Variants in KNDC1 observed in about 807,000 individuals in gnomAD.
KNDC1 encodes the protein kinase non-catalytic C-lobe domain containing 1, also known as kinase non-catalytic C-lobe domain-containing protein 1.
Under a neutral mutation model 172.8 loss-of-function variants are expected in KNDC1, and 106 were observed. The observed-to-expected ratio is 0.61, with a 90% confidence interval of 0.52 to 0.72. The LOEUF (loss-of-function observed/expected upper bound fraction) is 0.72. Ranked by LOEUF, KNDC1 falls within the 30% of genes least tolerant of loss-of-function variation. The probability of loss-of-function intolerance (pLI) is 0.00; values close to 1 mark genes in which losing one functional copy is unlikely to be tolerated. For missense variants in KNDC1, 2,325 were observed against 2,394.5 expected (o/e 0.97, Z 0.61); for synonymous variants, 1,083 against 1,062.2 (o/e 1.02, Z -0.38).
At chr10:133,189,575 C>T (rs755900329) in intron 7 of KNDC1, 23 bp from the exon 8 acceptor site, 1 of 1,610,976 alleles carries the variant, frequency 6.2e-7, no homozygotes, top group South Asian at 1.1e-5. Context: ...TGCATACCCG[C>T]CCTGACCCAA....
chr10:133,194,265 A>G (rs1454572744), intron 9 of KNDC1, among the ~76,000 whole-genome samples: 1 of 152,248 alleles, frequency 6.6e-6, no homozygotes, highest in Non-Finnish European at 1.5e-5. Context: ...GAAATTTTCC[A>G]AACACTTGGA....
chr10:133,172,468 CGCTT>C (rs746307913), intron 3 of KNDC1, among the ~76,000 whole-genome samples: 2 of 152,186 alleles, frequency 1.3e-5, no homozygotes, highest in Non-Finnish European at 2.9e-5. Flanking sequence ...GATTTACTAA[CGCTT>C]GCTTCAGATT....
intron 1 of KNDC1, 51 bp from the exon 2 acceptor site, chr10:133,167,330 G>A: frequency 6.6e-7 from 1 of 1,504,338 alleles, no homozygotes; most frequent in African/African-American, 1.4e-5. Flanking sequence ...GGGGGTGCCG[G>A]GGCCTGGCTG....
chr10:133,216,505 C>T (rs898976943), intron 26 of KNDC1, among the ~76,000 whole-genome samples: 3 of 151,882 alleles, frequency 2.0e-5, no homozygotes, highest in African/African-American at 4.8e-5. Flanking sequence ...ATCGAAACCC[C>T]GTCTCTACTG....
Position 133,168,277 on chromosome 10 carries a change from C to A in KNDC1, c.325C>A (p.Pro109Thr). The A allele has an allele frequency of 1.2e-6, 2 of 1,613,876 alleles. No homozygotes were observed. Among genetic ancestry groups the A allele is most frequent in the Non-Finnish European group, 1.7e-6 (2 of 1,179,806 alleles). The change falls in exon 3 of 30, where the codon CCC becomes ACC. Residue 109 changes from proline (P) to threonine (T), a missense_variant. By Grantham distance (38) the Pro-to-Thr change is conservative. Coordinates refer to ENST00000304613, the MANE Select transcript of KNDC1 (RefSeq NM_152643.8). ...AGACGACCCTGAGGGTGCCTTCGTT[C>A]CCCCCGAGTTCGACGTGACCGGGAA... ...LSDDPEGAFV[P>T]PEFDVTGNTF...
chr10:133,203,531 G>C (rs948676593), intron 17 of KNDC1, among the ~76,000 whole-genome samples: 3 of 152,262 alleles, frequency 2.0e-5, no homozygotes, highest in African/African-American at 7.2e-5. Context: ...GGGGCGGCTG[G>C]AGCAGCCGGT....
Position 133,199,209 on chromosome 10 carries a change from C to A in KNDC1, c.2701C>A (p.Gln901Lys). Reference sequence around the variant, plus strand: ...GCTGCAGGAGGCCACGCGCCTCATCCAGGAGGAATTTGCCTTCGATGGCTA... The same window carrying A: ...GCTGCAGGAGGCCACGCGCCTCATCAAGGAGGAATTTGCCTTCGATGGCTA... ...PSLQEATRLI[Q>K]EEFAFDGYLD... Residue 901 changes from glutamine (Q) to lysine (K), a missense_variant, in exon 14 of 30, where the codon CAG (glutamine) becomes AAG (lysine). Coordinates refer to ENST00000304613, the MANE Select transcript of KNDC1 (RefSeq NM_152643.8). 6.3e-7 allele frequency: 1 copy of A among 1,580,082 alleles called. No homozygotes were observed. The highest frequency in any genetic ancestry group is 2.3e-5 in the East Asian group (1 of 43,150).
intron 21 of KNDC1, 25 bp downstream of exon 21, chr10:133,210,749 C>A: frequency 6.4e-7 from 1 of 1,557,260 alleles, no homozygotes; most frequent in Non-Finnish European, 8.9e-7. Flanking sequence ...AGCTCCACGC[C>A]CGCCAGAGCT....
Position 133,216,918 on chromosome 10 carries a change from G to A in KNDC1, c.4678-1913G>A, listed in dbSNP as rs111362776. On this transcript the variant is annotated intron_variant, in intron 26 of 29. Transcript: ENST00000304613. Reference sequence around the variant, plus strand: ...TCGAGGGACTCAGGCTCAGGGAAACGAGCCAGTCGCGAAGCACGGACAGTG... The same window carrying A: ...TCGAGGGACTCAGGCTCAGGGAAACAAGCCAGTCGCGAAGCACGGACAGTG... 6.6e-5 allele frequency among the ~76,000 whole-genome samples: 10 copies of A among 152,376 alleles called. 1 individual carries two copies. Among genetic ancestry groups the A allele is most frequent in the African/African-American group, 1.7e-4 (7 of 41,596 alleles).
chr10:133,186,192 G>A lies in KNDC1; in HGVS notation c.844G>A (p.Val282Ile), dbSNP rs759847394. 161 of 1,572,798 alleles carry A rather than the reference G, an allele frequency of 1.0e-4. No individual in the cohort carries two copies. Among genetic ancestry groups the A allele is most frequent in the Non-Finnish European group, 1.3e-4 (148 of 1,159,678 alleles). Residue 282 changes from valine (V) to isoleucine (I), a missense_variant, in exon 6 of 30, where the codon GTC (valine) becomes ATC (isoleucine). By Grantham distance (29) the Val-to-Ile change is conservative. Transcript: ENST00000304613. Reference sequence around the variant, plus strand: ...CAGCCGGGAGGGGCTGGCCGGCCTCGTCCTGGATGCCGAGCGCACCCTCGG... The same window carrying A: ...CAGCCGGGAGGGGCTGGCCGGCCTCATCCTGGATGCCGAGCGCACCCTCGG... ...SHSREGLAGLVLDAERTLGEL... is the reference protein window; with the variant it reads ...SHSREGLAGLILDAERTLGEL...
chr10:133,219,983 T>C lies in KNDC1; in HGVS notation c.4889T>C (p.Leu1630Pro). 1 of 1,553,064 alleles carries C rather than the reference T, an allele frequency of 6.4e-7. No individual in the cohort carries two copies. The highest frequency in any genetic ancestry group is 8.7e-7 in the Non-Finnish European group (1 of 1,148,014). Residue 1630 changes from leucine (L) to proline (P), a missense_variant, in exon 29 of 30, where the codon CTG (leucine) becomes CCG (proline). Coordinates refer to ENST00000304613, the MANE Select transcript of KNDC1 (RefSeq NM_152643.8). ...TTCCTGAAGAGCGACAGCCTGTGTCTGATGGAAGGGCGGCGCTTCCGGGCG... is the reference window on the plus strand; with the variant it reads ...TTCCTGAAGAGCGACAGCCTGTGTCCGATGGAAGGGCGGCGCTTCCGGGCG... ...EVFLKSDSLCLMEGRRFRAQP... is the reference protein window; with the variant it reads ...EVFLKSDSLCPMEGRRFRAQP...
intron 17 of KNDC1, 62 bp from the exon 18 acceptor site, chr10:133,206,623 C>G: frequency 7.1e-7 from 1 of 1,400,930 alleles, no homozygotes; most frequent in Non-Finnish European, 1.0e-6. Flanking sequence ...GGGGCCTGGC[C>G]CTGGATGTGG....
At position 133,200,408 on chromosome 10, in the gene KNDC1, C is replaced by T. The variant is rs756165641; in HGVS notation, c.2937C>T (p.Gly979=). 1.4e-5 allele frequency: 23 copies of T among 1,597,654 alleles called. No individual in the cohort carries two copies. Among genetic ancestry groups the T allele is most frequent in the Non-Finnish European group, 1.6e-5 (19 of 1,173,026 alleles). Residue 979 remains glycine (G), a synonymous_variant, in exon 16 of 30, where the codon GGC becomes GGT. Coordinates refer to ENST00000304613, the MANE Select transcript of KNDC1 (RefSeq NM_152643.8). ...TAEEAGSQLE[G]SQSPRSPSSK... Reference sequence around the variant, plus strand: ...AGGAGGCTGGGTCACAGCTCGAGGGCAGCCAAAGCCCCCGCTCCCCGTCCA... The same window carrying T: ...AGGAGGCTGGGTCACAGCTCGAGGGTAGCCAAAGCCCCCGCTCCCCGTCCA...
At chr10:133,162,643 TAC>T (rs1453248546) in intron 1 of KNDC1, among the ~76,000 whole-genome samples, 1 of 152,190 alleles carries the variant, frequency 6.6e-6, no homozygotes, top group African/African-American at 2.4e-5. Context: ...AAATGCAAAA[TAC>T]ACCCCCACGA....
chr10:133,166,459 A>G (rs2998153), intron 1 of KNDC1, among the ~76,000 whole-genome samples: 81,264 of 134,608 alleles, frequency 0.6, 22,135 homozygotes, highest in Admixed American at 0.68. Context: ...GCGGGTGTGC[A>G]TGTCTGTGCG....
intron 17 of KNDC1, chr10:133,202,175 G>A (rs1854393952): frequency 1.5e-6 from 1 of 684,140 alleles, no homozygotes; most frequent in Admixed American, 2.0e-5. Flanking sequence ...CCCGGGCGAT[G>A]GGTTCACAGG....
At chr10:133,177,574 TGTG>T (rs200323026) in intron 3 of KNDC1, among the ~76,000 whole-genome samples, 3,208 of 151,708 alleles carry the variant, frequency 0.021, 120 homozygotes, top group African/African-American at 0.073. Context: ...TGTACATGCA[TGTG>T]GTGTGTGTAT....
chr10:133,199,104 A>G lies in KNDC1; in HGVS notation c.2596A>G (p.Arg866Gly). The G allele has an allele frequency of 6.2e-7, 1 of 1,608,618 alleles. No individual in the cohort carries two copies. The highest frequency in any genetic ancestry group is 8.5e-7 in the Non-Finnish European group (1 of 1,178,294). ...DDQSPDSVPE[R>G]PRPADRRLCL... ...CCAGAGTCCAGACAGTGTCCCAGAG[A>G]GGCCGCGGCCCGCAGACCGGAGGCT... The change falls in exon 14 of 30, where the codon AGG becomes GGG. Residue 866 changes from arginine to glycine, a missense_variant. Arg to Gly is a moderately radical substitution (Grantham distance 125). Coordinates refer to ENST00000304613, the MANE Select transcript of KNDC1 (RefSeq NM_152643.8).
rs750984785 is a variant in KNDC1, at chr10:133,218,943, G to A, written c.4790G>A (p.Arg1597Lys). The part of the protein sequence containing the change: ...ILSGLEHLAV[R>K]QSPAWRILPA... ...AGCGGGCTGGAGCACCTGGCCGTGA[G>A]GCAGTCCCCTGTGCGTCCCCCTCGG... The change falls in exon 27 of 30, where the codon AGG becomes AAG. Residue 1597 changes from arginine to lysine, a missense_variant. Transcript: ENST00000304613. 11 of 1,613,800 alleles carry A rather than the reference G, an allele frequency of 6.8e-6. No homozygotes were observed. Among genetic ancestry groups the A allele is most frequent in the Admixed American group, 1.7e-5 (1 of 60,030 alleles).
Sources: allele counts gnomAD v4.1 joint callset (sites outside exome capture counted in the v4.1 genomes callset), GRCh38; gene constraint gnomAD v4.1.1; transcripts MANE v1.5; gene names NCBI Gene and HGNC (gene_info 2026-07-23, HGNC 2026-07-21).